PCDHGA2: variants seen among roughly 807,000 people sequenced by gnomAD.
PCDHGA2 encodes protocadherin gamma-A2.
In PCDHGA2, 40 loss-of-function variants were observed where a neutral mutation model predicts 59.2. The observed-to-expected ratio is 0.68, with a 90% CI of 0.52 to 0.88. The LOEUF (loss-of-function observed/expected upper bound fraction) is 0.88, where lower values mean the gene tolerates loss of function less well. PCDHGA2 is among the 40% of genes least tolerant of loss of function. PCDHGA2 has a pLI of 0.00. For missense variants in PCDHGA2, 1,226 were observed against 1,204.0 expected, an observed-to-expected ratio of 1.02 and a Z score of -0.27; for synonymous variants, 560 against 526.0, an observed-to-expected ratio of 1.06 and a Z score of -0.89.
chr5:141,405,760 G>T (rs1048838050), intron 1 of PCDHGA2, among the ~76,000 whole-genome samples: 2 of 152,148 alleles, frequency 1.3e-5, no homozygotes, highest in East Asian at 3.9e-4. Context: ...TTACAGGCGT[G>T]AGCCACTGCG....
Position 141,431,344 on chromosome 5 carries a change from G to T in PCDHGA2, c.2425-63463G>T. On this transcript the variant is annotated intron_variant, in intron 1 of 3. Coordinates refer to ENST00000394576, the MANE Select transcript of PCDHGA2 (RefSeq NM_018915.4). This position sits in a 1 kb window ranked among gnomAD's most constrained non-coding sequence, Gnocchi z 4.8. ...ACGGTAGTAAGTACCCCGAATTGGT[G>T]CTGAAACGCGCCCTGGACCGCGAAG... 1 of 1,614,078 alleles carries T rather than the reference G, an allele frequency of 6.2e-7. No individual in the cohort carries two copies. The highest frequency in any genetic ancestry group is 1.3e-5 in the African/African-American group (1 of 75,068).
chr5:141,414,870 G>A (rs1325555474), intron 1 of PCDHGA2: 1 of 1,614,224 alleles, frequency 6.2e-7, no homozygotes, highest in Non-Finnish European at 8.5e-7. Context: ...ATGCGCCCGA[G>A]ATCCTGTACC....
intron 1 of PCDHGA2, chr5:141,393,282 G>A (rs2150516370): frequency 1.2e-6 from 2 of 1,613,980 alleles, no homozygotes; most frequent in Non-Finnish European, 1.7e-6. Context: ...ACTCCCAGAA[G>A]CTGTTGACCC....
At chr5:141,350,677 T>C (rs748787935) in intron 1 of PCDHGA2, 2 of 1,614,020 alleles carry the variant, frequency 1.2e-6, no homozygotes, top group Admixed American at 1.7e-5. Flanking sequence ...ACTTAGAAAT[T>C]TGTGAGTCAG....
At chr5:141,457,116 C>T (rs933634563) in intron 1 of PCDHGA2, among the ~76,000 whole-genome samples, 5 of 152,176 alleles carry the variant, frequency 3.3e-5, no homozygotes, top group Non-Finnish European at 7.3e-5. Flanking sequence ...AATACGACAG[C>T]AATGGAAACT....
At position 141,432,025 on chromosome 5, in the gene PCDHGA2, G is replaced by C. The variant is rs768627576; in HGVS notation, c.2425-62782G>C. 2 of 1,614,158 alleles carry C rather than the reference G, an allele frequency of 1.2e-6. No homozygotes were observed. The highest frequency in any genetic ancestry group is 3.3e-4 in the Middle Eastern group (2 of 6,062). ...AGGTTCCTAGCTACAACATCACAGTGACCGCCACTGACCGGGGAACCCCGC... is the reference window on the plus strand; with the variant it reads ...AGGTTCCTAGCTACAACATCACAGTCACCGCCACTGACCGGGGAACCCCGC... On this transcript the variant is annotated intron_variant, in intron 1 of 3. Transcript: ENST00000394576. The surrounding 1 kb of genome is among the most constrained non-coding windows in gnomAD (Gnocchi z 6.0).
At position 141,463,438 on chromosome 5, in the gene PCDHGA2, C is replaced by CTTTTT. The variant is rs71576115; in HGVS notation, c.2425-31345_2425-31341dup. On this transcript the variant is annotated intron_variant, in intron 1 of 3. Coordinates refer to ENST00000394576, the MANE Select transcript of PCDHGA2 (RefSeq NM_018915.4). ...GTTTGCGGATCCTCATTTCCTTCTC[C>CTTTTT]TTTTTTTTTTTTTTTTTTTTTTTTT... is the stretch of plus-strand genomic sequence containing the variant. 3.0e-4 allele frequency among the ~76,000 whole-genome samples: 31 copies of CTTTTT among 103,252 alleles called. 1 individual carries two copies. Among genetic ancestry groups the CTTTTT allele is most frequent in the African/African-American group, 1.2e-3 (26 of 22,402 alleles). The allele number at this position is 103,252 out of a possible 152,430, so 67.7% of individuals were successfully genotyped here.
intron 1 of PCDHGA2, among the ~76,000 whole-genome samples, chr5:141,488,117 G>A (rs1231303931): frequency 6.6e-6 from 1 of 152,190 alleles, no homozygotes; most frequent in African/African-American, 2.4e-5. Flanking sequence ...GAAACATAGA[G>A]ACAGCAGAAA....
intron 1 of PCDHGA2, among the ~76,000 whole-genome samples, chr5:141,450,951 A>G (rs1018018318): frequency 1.3e-5 from 2 of 151,732 alleles, no homozygotes; most frequent in Non-Finnish European, 2.9e-5. Context: ...CAGCCTCCCA[A>G]GTAGCTGGGA....
Position 141,423,337 on chromosome 5 carries a change from A to G in PCDHGA2, c.2425-71470A>G, listed in dbSNP as rs769321122. The G allele has an allele frequency of 6.0e-5, 97 of 1,614,180 alleles. 1 individual carries two copies. The African/African-American group carries it at 8.9e-4, about 15-fold the overall frequency. ...GGTGGCGGTGGCCGCAGTCTCCTGC[A>G]TCTTCCTGGTCTTTGTCATCGTGCT... On this transcript the variant is annotated intron_variant, in intron 1 of 3. Coordinates refer to ENST00000394576, the MANE Select transcript of PCDHGA2 (RefSeq NM_018915.4).
intron 1 of PCDHGA2, among the ~76,000 whole-genome samples, chr5:141,424,979 T>G (rs565208060): frequency 1.4e-4 from 22 of 152,322 alleles, no homozygotes; most frequent in African/African-American, 4.6e-4. Flanking sequence ...CTTGGATATT[T>G]ATGTTCCCTT....
At chr5:141,412,713 TG>T (rs1172943618) in intron 1 of PCDHGA2, 2 of 152,812 alleles carry the variant, frequency 1.3e-5, no homozygotes, top group Non-Finnish European at 2.9e-5. Context: ...TGTACATTTC[TG>T]TTGGGAAAAC....
chr5:141,361,102 G>T lies in PCDHGA2; in HGVS notation c.2424+19707G>T, dbSNP rs1025745459. ...TTACACTCTGAGTATCGAAGCAAAA[G>T]ATCCTGGAGATCTAGCAGCCCACTG... On this transcript the variant is annotated intron_variant, in intron 1 of 3. Coordinates refer to ENST00000394576, the MANE Select transcript of PCDHGA2 (RefSeq NM_018915.4). The T allele has an allele frequency of 3.1e-6, 5 of 1,613,890 alleles. No individual in the cohort carries two copies. In the Admixed American group the frequency reaches 5.0e-5, roughly 16 times the overall value.
chr5:141,350,116 G>A (rs1300662823), intron 1 of PCDHGA2: 5 of 573,926 alleles, frequency 8.7e-6, no homozygotes, highest in Non-Finnish European at 1.4e-5. Context: ...TGCTTTGTCC[G>A]GTGCACTGAG....
At chr5:141,393,458 G>C in intron 1 of PCDHGA2, 1 of 1,614,020 alleles carries the variant, frequency 6.2e-7, no homozygotes, top group Non-Finnish European at 8.5e-7. Flanking sequence ...TCACGGCCTC[G>C]GATGGCGGCA....
At chr5:141,395,340 G>A in intron 1 of PCDHGA2, 2 of 1,419,480 alleles carry the variant, frequency 1.4e-6, no homozygotes, top group Non-Finnish European at 1.9e-6. Context: ...TAATTTTTAA[G>A]GTGTATCACA....
chr5:141,476,574 G>A lies in PCDHGA2; in HGVS notation c.2425-18233G>A, dbSNP rs746783993. ...AGCGAGGCCGTGGCTCCGGGGACGC[G>A]CTTTCCGCTCGAGAGCGCGCACGAT... is the stretch of plus-strand genomic sequence containing the variant. On this transcript the variant is annotated intron_variant, in intron 1 of 3. Coordinates refer to ENST00000394576, the MANE Select transcript of PCDHGA2 (RefSeq NM_018915.4). The surrounding 1 kb of genome is among the most constrained non-coding windows in gnomAD (Gnocchi z 7.6). 40 of 1,614,084 alleles carry A rather than the reference G, an allele frequency of 2.5e-5. No homozygotes were observed. In the African/African-American group the frequency reaches 3.7e-4, roughly 15 times the overall value.
intron 1 of PCDHGA2, among the ~76,000 whole-genome samples, chr5:141,425,189 T>C (rs1042702500): frequency 2.6e-5 from 4 of 152,116 alleles, no homozygotes; most frequent in African/African-American, 7.2e-5. Flanking sequence ...AATTCCAAAC[T>C]GAGAAAAATG....
At chr5:141,367,886 C>T (rs976689634) in intron 1 of PCDHGA2, 1 of 151,934 alleles carries the variant, frequency 6.6e-6, no homozygotes, top group Non-Finnish European at 1.5e-5. Context: ...TTCTTTATTA[C>T]TTGAGTTTAA....
Sources: gnomAD v4.1 joint callset for allele counts (sites outside exome capture counted in the v4.1 genomes callset) on GRCh38, gnomAD v4.1.1 for gene constraint, Gnocchi (gnomAD v3.1) non-coding constraint, MANE v1.5 for transcripts, NCBI Gene and HGNC (gene_info 2026-07-23, HGNC 2026-07-21) for gene names.